SLC49A3: variants seen among roughly 807,000 people sequenced by gnomAD.
SLC49A3 encodes solute carrier family 49 member A3.
A neutral mutation model predicts 43.8 loss-of-function variants in SLC49A3; 50 were observed. The observed-to-expected ratio is 1.14, with a 90% CI of 0.91 to 1.45. SLC49A3 has a LOEUF of 1.45. SLC49A3 is among the 40% of genes most tolerant of loss of function. The pLI, the probability that SLC49A3 is intolerant of heterozygous loss-of-function variation, is 0.00. For missense variants in SLC49A3, 906 were observed against 774.1 expected (o/e 1.17, Z -2.02); for synonymous variants, 413 against 352.0 (o/e 1.17, Z -1.94).
rs747292741 is a variant in SLC49A3, at chr4:682,063, G to A, written c.1575C>T (p.Asp525=). The change falls in exon 10 of 10, where the codon GAC becomes GAT. Residue 525 remains aspartate (D), a synonymous_variant. Coordinates refer to ENST00000322224, the MANE Select transcript of SLC49A3 (RefSeq NM_032219.4). ...CGAGTCTGCCGGGGCGGGAGGGCGC[G>A]TCGGTGGCTGCTGGGCCTTGCGCAC... ...TPRAQGPAAT[D]APSRPGRLAG... The A allele has an allele frequency of 1.7e-5, 24 of 1,410,618 alleles. 1 individual carries two copies. The highest frequency in any genetic ancestry group is 1.1e-4 in the South Asian group (7 of 63,542). The allele number at this position is 1,410,618 out of a possible 1,614,324, so 87.4% of individuals were successfully genotyped here. A position where few individuals can be genotyped will look rare whatever the true frequency, so the allele number is the denominator to read the frequency against.
downstream of SLC49A3, chr4:680,900 C>T (rs527832623): frequency 6.3e-5 from 43 of 683,384 alleles, no homozygotes; most frequent in African/African-American, 6.8e-4. Flanking sequence ...CTGTCCCCAT[C>T]AGCGGCTCCC....
upstream of SLC49A3, among the ~76,000 whole-genome samples, chr4:689,956 G>C (rs530640419): frequency 5.5e-4 from 84 of 152,342 alleles, no homozygotes; most frequent in African/African-American, 1.8e-3. Flanking sequence ...CCAGTATAGG[G>C]GTGGGGTGGA....
Position 686,603 on chromosome 4 carries a change from A to C in SLC49A3, c.223T>G (p.Tyr75Asp). The change falls in exon 2 of 10, where the codon TAC (tyrosine) becomes GAC (aspartate). Residue 75 changes from tyrosine (Y) to aspartate (D), a missense_variant. Tyr to Asp is a radical substitution (Grantham distance 160). Transcript: ENST00000322224. ...MEQINWLSLV[Y>D]LVVSTPFGVA... ...CCAAATGGGGTGGATACCACGAGGT[A>C]GACCAGTGACAGCCAGTTGATCTGC... is the stretch of plus-strand genomic sequence containing the variant. 1 of 1,613,332 alleles carries C rather than the reference A, an allele frequency of 6.2e-7. No individual in the cohort carries two copies. The highest frequency in any genetic ancestry group is 8.5e-7 in the Non-Finnish European group (1 of 1,179,956).
intron 8 of SLC49A3, 90 bp from the exon 9 acceptor site, chr4:682,980 C>T: frequency 8.2e-7 from 1 of 1,225,806 alleles, no homozygotes; most frequent in South Asian, 1.4e-5. Flanking sequence ...CGGTGCTGTC[C>T]CTTGTGCCAC....
downstream of SLC49A3, among the ~76,000 whole-genome samples, chr4:677,281 G>A (rs1006324365): frequency 6.6e-6 from 1 of 152,166 alleles, no homozygotes; most frequent in African/African-American, 2.4e-5. Flanking sequence ...ACTCTGTGGT[G>A]GCCTCTGATG....
At chr4:680,818 A>C, downstream of SLC49A3, 1 of 629,942 alleles carries the variant, frequency 1.6e-6, no homozygotes, top group East Asian at 2.8e-5. Context: ...CCCTCAGCCC[A>C]CTCCTCCATC....
chr4:684,417 G>A (rs1740557561), intron 6 of SLC49A3, 66 bp downstream of exon 6: 26 of 1,587,596 alleles, frequency 1.6e-5, no homozygotes, highest in Admixed American at 5.2e-5. Context: ...TGGAGGCGGC[G>A]GTGACTCCAT....
chr4:686,113 T>C lies in SLC49A3; in HGVS notation c.484A>G (p.Thr162Ala). The change falls in exon 3 of 10, where the codon ACG (threonine) becomes GCG (alanine). Residue 162 changes from threonine to alanine, a missense_variant. Transcript: ENST00000322224. ...ALWFPEHQRA[T>A]ANMLATMSNP... ...CACATGGTGGCGAGCATGTTGGCCG[T>C]GGCTCGCTGGTGCTCTGGGAACCAC... 3.1e-6 allele frequency: 5 copies of C among 1,613,038 alleles called. No homozygotes were observed. The highest frequency in any genetic ancestry group is 1.7e-5 in the Admixed American group (1 of 60,014).
downstream of SLC49A3, among the ~76,000 whole-genome samples, chr4:679,507 T>A (rs1420570842): frequency 6.6e-6 from 1 of 152,128 alleles, no homozygotes; most frequent in Non-Finnish European, 1.5e-5. Flanking sequence ...TGCGGCACAT[T>A]CTGTTCCCAG....
chr4:681,825 C>T (rs1739705312), downstream of SLC49A3: 30 of 1,271,192 alleles, frequency 2.4e-5, 1 homozygote, highest in South Asian at 6.5e-4. Context: ...ACACCCGGGG[C>T]CGCTGCAGGT....
At chr4:680,304 C>G (rs978577328), downstream of SLC49A3, among the ~76,000 whole-genome samples, 14 of 152,154 alleles carry the variant, frequency 9.2e-5, no homozygotes, top group Non-Finnish European at 1.6e-4. Flanking sequence ...CACCCCAAAA[C>G]TCACTACACC....
At position 683,649 on chromosome 4, in the gene SLC49A3, C is replaced by G. The variant is rs764331180; in HGVS notation, c.953G>C (p.Gly318Ala). The G allele has an allele frequency of 1.1e-4, 176 of 1,612,286 alleles. No homozygotes were observed. Among genetic ancestry groups the G allele is most frequent in the Non-Finnish European group, 1.3e-4 (159 of 1,179,700 alleles). ...TKHFTEATKI[G>A]LCLFSLACVP... ...GCAGGCCAGAGAGAACAGGCACAGG[C>G]CAATCTTGGTGGCCTCAGTGAAGTG... Residue 318 changes from glycine (G) to alanine (A), a missense_variant, in exon 7 of 10, where the codon GGC becomes GCC. Physicochemically the swap from Gly to Ala is moderately conservative, Grantham distance 60. Coordinates refer to ENST00000322224, the MANE Select transcript of SLC49A3 (RefSeq NM_032219.4).
intron 1 of SLC49A3, among the ~76,000 whole-genome samples, 160 bp from the exon 2 acceptor site, chr4:686,850 C>A (rs1741145411): frequency 6.6e-6 from 1 of 152,132 alleles, no homozygotes; most frequent in African/African-American, 2.4e-5. Flanking sequence ...AGAGCGCCAC[C>A]CTGCCTCCCC....
chr4:686,528 TCACCGCCG>T lies in SLC49A3; in HGVS notation c.290_294+3del, dbSNP rs1191260397. On this transcript the variant is annotated splice_donor_variant and splice_donor_region_variant and coding_sequence_variant and intron_variant, in exon 2 of 10. Transcript: ENST00000322224. LOFTEE classifies it high-confidence loss of function. ...AGCGGGCCATGGTGTGGGGTCTGAC[TCACCGCCG>T]CACGGAGCCCGACGGAGTCCAGGAT... 4 of 1,611,572 alleles carry T rather than the reference TCACCGCCG, an allele frequency of 2.5e-6. No homozygotes were observed. Among genetic ancestry groups the T allele is most frequent in the Non-Finnish European group, 2.5e-6 (3 of 1,179,420 alleles).
At chr4:677,160 C>T (rs1738925922), downstream of SLC49A3, among the ~76,000 whole-genome samples, 1 of 152,322 alleles carries the variant, frequency 6.6e-6, no homozygotes, top group Admixed American at 6.5e-5. Context: ...CAGACGCAGG[C>T]CTGGGGGGCT....
downstream of SLC49A3, among the ~76,000 whole-genome samples, chr4:677,149 GCAGACGCAGGC>G (rs1738924626): frequency 6.6e-6 from 1 of 152,308 alleles, no homozygotes; most frequent in South Asian, 2.1e-4. Flanking sequence ...TGCGTCCCAC[GCAGACGCAGGC>G]CTGGGGGGCT....
At chr4:681,026 G>A (rs2109357278), downstream of SLC49A3, 2 of 1,539,402 alleles carry the variant, frequency 1.3e-6, no homozygotes, top group Middle Eastern at 1.7e-4. Flanking sequence ...TGGAGCACCT[G>A]AGCCCCACCG....
chr4:686,063 A>G, intron 3 of SLC49A3, 26 bp downstream of exon 3: 1 of 1,612,250 alleles, frequency 6.2e-7, no homozygotes, highest in Non-Finnish European at 8.5e-7. Flanking sequence ...GAGCCCAGGC[A>G]GGCGGCCTCC....
At position 683,620 on chromosome 4, in the gene SLC49A3, G is replaced by A. The variant is rs954436336; in HGVS notation, c.982C>T (p.Pro328Ser). 6.2e-7 allele frequency: 1 copy of A among 1,611,394 alleles called. No individual in the cohort carries two copies. Among genetic ancestry groups the A allele is most frequent in the Non-Finnish European group, 8.5e-7 (1 of 1,179,228 alleles). The change falls in exon 7 of 10, where the codon CCC (proline) becomes TCC (serine). Residue 328 changes from proline to serine, a missense_variant. By Grantham distance (74) the Pro-to-Ser change is moderately conservative. Transcript: ENST00000322224. Reference protein sequence around the residue: ...GLCLFSLACVPFALVSQLQGQ... With the variant: ...GLCLFSLACVSFALVSQLQGQ... The stretch of plus-strand genomic sequence containing the variant: ...GAGGAGACCCTCACCAGGGCAAAGG[G>A]CACGCAGGCCAGAGAGAACAGGCAC...
Sources: gnomAD v4.1 joint callset for allele counts (sites outside exome capture counted in the v4.1 genomes callset) on GRCh38, gnomAD v4.1.1 for gene constraint, MANE v1.5 for transcripts, NCBI Gene and HGNC (gene_info 2026-07-23, HGNC 2026-07-21) for gene names.